USP20: variants seen among roughly 807,000 people sequenced by gnomAD.
USP20 encodes ubiquitin specific peptidase 20.
A neutral mutation model predicts 124.2 loss-of-function variants in USP20; 80 were observed. The observed-to-expected ratio is 0.64, with a 90% confidence interval of 0.54 to 0.78. The LOEUF (loss-of-function observed/expected upper bound fraction) is 0.78, where lower values mean the gene tolerates loss of function less well. Among genes scored for constraint, USP20 ranks in the 30% least tolerant of loss-of-function variants. USP20 has a pLI of 0.00. For synonymous variants in USP20, 481 were observed against 512.3 expected (o/e 0.94, Z 0.83); for missense variants, 1,043 against 1,244.4 (o/e 0.84, Z 2.44).
chr9:129,880,436 G>A (rs889484932), intron 25 of USP20, 31 bp from the exon 26 acceptor site: 5 of 959,816 alleles, frequency 5.2e-6, no homozygotes, highest in African/African-American at 4.9e-5. Context: ...ACATGGCCCG[G>A]CCCCACTGCT....
In USP20 at chr9:129,868,938, G is replaced by C. The variant is rs774492034; in HGVS notation, c.1212G>C (p.Lys404Asn). 18 of 1,612,702 alleles carry C rather than the reference G, an allele frequency of 1.1e-5. No individual in the cohort carries two copies. Among genetic ancestry groups the C allele is most frequent in the Non-Finnish European group, 1.5e-5 (18 of 1,179,384 alleles). The change falls in exon 12 of 26, where the codon AAG becomes AAC. Residue 404 changes from lysine to asparagine, a missense_variant. Transcript: ENST00000372429. Reference protein sequence around the residue: ...SPVHHHEGHAKLSSSPPRASP... With the variant: ...SPVHHHEGHANLSSSPPRASP... The stretch of plus-strand genomic sequence containing the variant: ...TCCACCACCACGAGGGCCATGCCAA[G>C]CTGTCTAGCAGCCCCCCTCGTGCAA...
At chr9:129,855,774 T>C (rs2033182320) in intron 3 of USP20, among the ~76,000 whole-genome samples, 1 of 152,150 alleles carries the variant, frequency 6.6e-6, no homozygotes, top group African/African-American at 2.4e-5. Context: ...GAGAAAGGAT[T>C]CCAGTAGACA....
chr9:129,862,383 C>T (rs1216879979), intron 8 of USP20, among the ~76,000 whole-genome samples: 1 of 151,912 alleles, frequency 6.6e-6, no homozygotes, highest in Admixed American at 6.6e-5. Flanking sequence ...GAAACCCTGT[C>T]TCTACTAAAA....
chr9:129,847,548 G>A (rs571504466), intron 1 of USP20, among the ~76,000 whole-genome samples: 2 of 152,106 alleles, frequency 1.3e-5, no homozygotes, highest in African/African-American at 2.4e-5. Flanking sequence ...TGATCCGCCC[G>A]CCTCAGCCTC....
intron 15 of USP20, among the ~76,000 whole-genome samples, chr9:129,871,327 G>A (rs374372983): frequency 7.6e-5 from 1 of 13,132 alleles, no homozygotes; most frequent in East Asian, 0.17. Flanking sequence ...GTTCATCCAC[G>A]TTGCAGCGTG....
rs570464895 is a variant in USP20 at position 129,871,629 on chromosome 9, C to T, written c.1660+1082C>T. Among the ~76,000 whole-genome samples the T allele has an allele frequency of 5.3e-5, 8 of 152,314 alleles. No homozygotes were observed. In the South Asian group the frequency reaches 1.2e-3, roughly 24 times the overall value. On this transcript the variant is annotated intron_variant, in intron 15 of 25. Transcript: ENST00000372429. ...CACAAGAGTTCCAGTTTCTCCACAT[C>T]GTCGTCCACACTCATTTTGTTTACT...
In USP20 at chr9:129,875,541, C is replaced by G. The variant is rs1486265036; in HGVS notation, c.2219-19C>G. ...AGCTGGGCCGAGCCACAGCTTCGCTCCCTGTACCTTCTTCCCAGGCATCCC... is the reference window on the plus strand; with the variant it reads ...AGCTGGGCCGAGCCACAGCTTCGCTGCCTGTACCTTCTTCCCAGGCATCCC... On this transcript the variant is annotated intron_variant, in intron 20 of 25. Transcript: ENST00000372429. 6.2e-7 allele frequency: 1 copy of G among 1,613,852 alleles called. No individual in the cohort carries two copies. The highest frequency in any genetic ancestry group is 1.3e-5 in the African/African-American group (1 of 74,938).
chr9:129,868,832 G>C, intron 11 of USP20, 30 bp from the exon 12 acceptor site: 1 of 1,524,266 alleles, frequency 6.6e-7, no homozygotes. Context: ...TGGCTGCCCT[G>C]GCCCAGCATG....
rs774236333 is a variant in USP20, at chr9:129,880,223, G to A, written c.2695G>A (p.Glu899Lys). The change falls in exon 25 of 26, where the codon GAG becomes AAG. Residue 899 changes from glutamate (E) to lysine (K), a missense_variant. Glu to Lys is a moderately conservative substitution (Grantham distance 56). Transcript: ENST00000372429. ...RQSVAQPLGPENLHGEQKIEA... is the reference protein window; with the variant it reads ...RQSVAQPLGPKNLHGEQKIEA... ...GAGTGTGGCGCAGCCGCTGGGCCCA[G>A]AGAACCTGCACGGGGAGCAGAAGAT... 1.9e-6 allele frequency: 3 copies of A among 1,613,184 alleles called. No individual in the cohort carries two copies. The African/African-American group carries it at 4.0e-5, about 22-fold the overall frequency.
intron 1 of USP20, among the ~76,000 whole-genome samples, chr9:129,842,028 A>G (rs747116041): frequency 2.0e-5 from 3 of 152,126 alleles, no homozygotes; most frequent in African/African-American, 4.8e-5. Context: ...ACATTTTTTG[A>G]GCATTCTTGT....
In USP20 at chr9:129,880,165, G is replaced by A. The variant is rs1203917614; in HGVS notation, c.2637G>A (p.Leu879=). 4.3e-6 allele frequency: 7 copies of A among 1,613,864 alleles called. No homozygotes were observed. Among genetic ancestry groups the A allele is most frequent in the South Asian group, 1.1e-5 (1 of 91,092 alleles). ...SEETWTYLNS[L]YGGGPEIAIR... is the part of the protein sequence containing the mutation. ...AGACCTGGACCTACCTGAACAGCCT[G>A]TATGGAGGTGGCCCCGAGATTGCCA... The change falls in exon 25 of 26, where the codon CTG becomes CTA. Residue 879 remains leucine, a synonymous_variant. Transcript: ENST00000372429.
At chr9:129,878,591 C>A in intron 23 of USP20, 151 bp downstream of exon 23, 1 of 684,120 alleles carries the variant, frequency 1.5e-6, no homozygotes, top group Non-Finnish European at 2.5e-6. Flanking sequence ...GAGCATGGGG[C>A]TTTGCCAGTC....
intron 1 of USP20, among the ~76,000 whole-genome samples, chr9:129,842,648 C>T (rs1486367634): frequency 6.7e-6 from 1 of 150,258 alleles, no homozygotes; most frequent in Non-Finnish European, 1.5e-5. Flanking sequence ...GGCTGGAGTG[C>T]AATGGCGTGA....
At chr9:129,852,481 C>T in intron 2 of USP20, 59 bp from the exon 3 acceptor site, 1 of 1,485,658 alleles carries the variant, frequency 6.7e-7, no homozygotes, top group Non-Finnish European at 9.2e-7. Context: ...CCACTCACCT[C>T]CCCACCTCCT....
Position 129,858,063 on chromosome 9 carries a change from A to T in USP20, c.149A>T (p.Tyr50Phe), listed in dbSNP as rs1023537294. The T allele has an allele frequency of 6.2e-7, 1 of 1,613,930 alleles. No individual in the cohort carries two copies. The highest frequency in any genetic ancestry group is 8.5e-7 in the Non-Finnish European group (1 of 1,179,958). ...CTCTCTTCCCAGGTTGCCTGCCCCTATGTTGGCTGCGGAGAATCCTTTGCT... is the reference window on the plus strand; with the variant it reads ...CTCTCTTCCCAGGTTGCCTGCCCCTTTGTTGGCTGCGGAGAATCCTTTGCT... ...LWACLQVACP[Y>F]VGCGESFADH... The change falls in exon 5 of 26, where the codon TAT becomes TTT. Residue 50 changes from tyrosine to phenylalanine, a missense_variant. Coordinates refer to ENST00000372429, the MANE Select transcript of USP20 (RefSeq NM_001110303.4).
At chr9:129,855,285 G>T (rs2033152096) in intron 3 of USP20, among the ~76,000 whole-genome samples, 1 of 152,116 alleles carries the variant, frequency 6.6e-6, no homozygotes, top group African/African-American at 2.4e-5. Flanking sequence ...CAAAAAATTA[G>T]CCGGGCGAGG....
intron 1 of USP20, among the ~76,000 whole-genome samples, chr9:129,845,682 G>C (rs966570672): frequency 1.3e-5 from 2 of 151,992 alleles, no homozygotes; most frequent in African/African-American, 2.4e-5. Context: ...GTGAGCCACT[G>C]TGACTGACCT....
At chr9:129,863,093 C>A in intron 8 of USP20, 93 bp from the exon 9 acceptor site, 1 of 942,622 alleles carries the variant, frequency 1.1e-6, no homozygotes. Context: ...GCTCCCTGTG[C>A]GAGCACTCAG....
At chr9:129,842,812 T>C (rs62584850) in intron 1 of USP20, among the ~76,000 whole-genome samples, 21,784 of 151,858 alleles carry the variant, frequency 0.14, 2,051 homozygotes, top group African/African-American at 0.26. Flanking sequence ...TCAGGCTGGT[T>C]TCGAACTCCT....
Sources: gnomAD v4.1 joint callset for allele counts (sites outside exome capture counted in the v4.1 genomes callset) on GRCh38, gnomAD v4.1.1 for gene constraint, MANE v1.5 for transcripts, NCBI Gene and HGNC (gene_info 2026-07-23, HGNC 2026-07-21) for gene names.